KSR1: variants seen among roughly 807,000 people sequenced by gnomAD.
KSR1 encodes the protein kinase suppressor of ras.
KSR1 carries 35 observed loss-of-function variants against 92.9 expected under a neutral mutation model. The observed-to-expected ratio is 0.38, with a 90% CI of 0.29 to 0.50. The LOEUF is 0.50. KSR1 is among the 20% of genes least tolerant of loss of function. The pLI is 0.94. For synonymous variants in KSR1, 467 were observed against 472.6 expected (o/e 0.99, Z 0.15); for missense variants, 972 against 1,158.5 (o/e 0.84, Z 2.34).
chr17:27,522,353 C>T (rs1343162464), intron 1 of KSR1, among the ~76,000 whole-genome samples: 1 of 152,222 alleles, frequency 6.6e-6, no homozygotes, highest in Non-Finnish European at 1.5e-5. Flanking sequence ...CAGCTTTGGC[C>T]CCCGCTCCCC....
At chr17:27,515,323 T>C (rs2069746920) in intron 1 of KSR1, among the ~76,000 whole-genome samples, 1 of 152,238 alleles carries the variant, frequency 6.6e-6, no homozygotes, top group African/African-American at 2.4e-5. Context: ...CTGATATGTT[T>C]AGATTTGTCT....
At chr17:27,618,038 G>A (rs747816493) in intron 19 of KSR1, among the ~76,000 whole-genome samples, 20 of 152,230 alleles carry the variant, frequency 1.3e-4, no homozygotes, top group Non-Finnish European at 2.4e-4. Flanking sequence ...GGACTAGAAG[G>A]CTCTGCTGAG....
intron 2 of KSR1, among the ~76,000 whole-genome samples, chr17:27,576,601 C>G (rs1367473398): frequency 6.6e-6 from 1 of 152,102 alleles, no homozygotes; most frequent in Non-Finnish European, 1.5e-5. Context: ...AAGTGACAAA[C>G]AGGCCGGGAG....
chr17:27,503,811 C>T (rs1046590302), intron 1 of KSR1, among the ~76,000 whole-genome samples: 5 of 152,294 alleles, frequency 3.3e-5, no homozygotes, highest in Middle Eastern at 3.4e-3. Flanking sequence ...GTGGAGGCGC[C>T]GTCAGCCTAG....
chr17:27,478,197 A>G (rs2068402568), intron 1 of KSR1, among the ~76,000 whole-genome samples: 1 of 152,206 alleles, frequency 6.6e-6, no homozygotes, highest in South Asian at 2.1e-4. Context: ...TGCTTTAATC[A>G]GGGCTAAACT....
At chr17:27,510,502 G>A (rs1597912634) in intron 1 of KSR1, among the ~76,000 whole-genome samples, 1 of 152,330 alleles carries the variant, frequency 6.6e-6, no homozygotes, top group South Asian at 2.1e-4. Flanking sequence ...TTTTAGACAC[G>A]ATGAAATTGG....
intron 1 of KSR1, among the ~76,000 whole-genome samples, chr17:27,484,158 C>G (rs2068595973): frequency 6.6e-6 from 1 of 152,210 alleles, no homozygotes; most frequent in African/African-American, 2.4e-5. Context: ...GTGTTGGAGG[C>G]TCCAGTGGGG....
intron 11 of KSR1, chr17:27,601,921 C>G: frequency 6.2e-7 from 1 of 1,609,430 alleles, no homozygotes; most frequent in Non-Finnish European, 8.5e-7. Flanking sequence ...GCTGGAAATG[C>G]CTCCTTATTG....
intron 1 of KSR1, among the ~76,000 whole-genome samples, chr17:27,469,637 A>G (rs2019873048): frequency 6.6e-6 from 1 of 152,236 alleles, no homozygotes; most frequent in South Asian, 2.1e-4. Context: ...TTTGAGAACC[A>G]AGATACAGAA....
intron 1 of KSR1, among the ~76,000 whole-genome samples, chr17:27,495,895 T>G (rs1033676447): frequency 7.9e-5 from 12 of 152,208 alleles, no homozygotes; most frequent in African/African-American, 2.4e-4. Flanking sequence ...GTGTTGCCCC[T>G]AGGCTCTCAG....
At chr17:27,611,275 C>A in intron 17 of KSR1, 2 of 565,456 alleles carry the variant, frequency 3.5e-6, no homozygotes, top group East Asian at 3.0e-5. Context: ...GTCAAACCTG[C>A]GCTGTCTCAG....
chr17:27,607,104 T>G (rs2073778942), intron 14 of KSR1, among the ~76,000 whole-genome samples: 1 of 152,158 alleles, frequency 6.6e-6, no homozygotes, highest in Admixed American at 6.5e-5. Flanking sequence ...AGTGCTGAGA[T>G]TACAGGCGTG....
intron 1 of KSR1, among the ~76,000 whole-genome samples, chr17:27,521,306 G>T (rs2151020914): frequency 6.6e-6 from 1 of 151,752 alleles, no homozygotes; most frequent in African/African-American, 2.4e-5. Context: ...GTTTACCCAT[G>T]AGGACAGTGA....
chr17:27,492,402 G>A lies in KSR1; in HGVS notation c.231+35528G>A, dbSNP rs993979491. Among the ~76,000 whole-genome samples, 13 of 152,222 alleles carry A rather than the reference G, an allele frequency of 8.5e-5. No individual in the cohort carries two copies. The East Asian group carries it at 1.5e-3, about 18-fold the overall frequency. On this transcript the variant is annotated intron_variant, in intron 1 of 20. Coordinates refer to ENST00000644974, the MANE Select transcript of KSR1 (RefSeq NM_001394583.1). ...TTACACCTGCTCGTTTCTTGTGCCCGTGAATTCCTTTCTAGGAATGATCAG... is the reference window on the plus strand; with the variant it reads ...TTACACCTGCTCGTTTCTTGTGCCCATGAATTCCTTTCTAGGAATGATCAG...
intron 3 of KSR1, chr17:27,578,820 T>A (rs143177952): frequency 8.7e-4 from 133 of 152,388 alleles, no homozygotes; most frequent in African/African-American, 3.0e-3. Context: ...AGATCACTAA[T>A]TTATGCACCT....
intron 1 of KSR1, among the ~76,000 whole-genome samples, chr17:27,535,221 CT>C (rs1467277996): frequency 6.6e-6 from 1 of 152,202 alleles, no homozygotes; most frequent in Non-Finnish European, 1.5e-5. Flanking sequence ...GGCCATGTGC[CT>C]TTACCCCTGA....
At chr17:27,507,759 G>A (rs1336326359) in intron 1 of KSR1, among the ~76,000 whole-genome samples, 1 of 151,640 alleles carries the variant, frequency 6.6e-6, no homozygotes, top group Non-Finnish European at 1.5e-5. Context: ...ATTTTTAGTA[G>A]AGAAAGGGTT....
At chr17:27,590,233 G>A (rs960027758) in intron 6 of KSR1, among the ~76,000 whole-genome samples, 22 of 152,180 alleles carry the variant, frequency 1.4e-4, no homozygotes, top group African/African-American at 4.1e-4. Context: ...CTTGAACTTC[G>A]TGTGAATGGG....
At chr17:27,466,745 G>T (rs1314547022) in intron 1 of KSR1, among the ~76,000 whole-genome samples, 1 of 152,256 alleles carries the variant, frequency 6.6e-6, no homozygotes, top group Non-Finnish European at 1.5e-5. Context: ...TCTCGTGGTG[G>T]CTTTTTGAAA....
Sources: gnomAD v4.1 joint callset for allele counts (sites outside exome capture counted in the v4.1 genomes callset) on GRCh38, gnomAD v4.1.1 for gene constraint, MANE v1.5 for transcripts, NCBI Gene and HGNC (gene_info 2026-07-23, HGNC 2026-07-21) for gene names.